DNAH6: variants seen among roughly 807,000 people sequenced by gnomAD.
The protein encoded by DNAH6 is dynein axonemal heavy chain 6.
DNAH6 carries 340 observed loss-of-function variants against 491.4 expected under a neutral mutation model. The observed-to-expected ratio is 0.69, with a 90% CI of 0.63 to 0.76. DNAH6 has a LOEUF of 0.76. Among genes scored for constraint, DNAH6 ranks in the 30% least tolerant of loss-of-function variants. DNAH6 has a pLI of 0.00. For missense variants in DNAH6, 4,443 were observed against 4,972.2 expected, an observed-to-expected ratio of 0.89 and a Z score of 3.20; for synonymous variants, 1,603 against 1,686.1, an observed-to-expected ratio of 0.95 and a Z score of 1.21.
intron 33 of DNAH6, among the ~76,000 whole-genome samples, chr2:84,642,449 G>T (rs1689503635): frequency 6.6e-6 from 1 of 152,034 alleles, no homozygotes; most frequent in African/African-American, 2.4e-5. Context: ...GTTTTAAAAA[G>T]AAAATAGTTT....
chr2:84,729,338 G>A lies in DNAH6; in HGVS notation c.10206+1436G>A, dbSNP rs147841824. On this transcript the variant is annotated intron_variant, in intron 61 of 76. Coordinates refer to ENST00000389394, the MANE Select transcript of DNAH6 (RefSeq NM_001370.2). ...AACACACTTAACAGGACCTGGAACC[G>A]GGATTTGAACACTTGCAGTCTGTAA... Among the ~76,000 whole-genome samples, 120 of 152,268 alleles carry A rather than the reference G, an allele frequency of 7.9e-4. 2 individuals are homozygous for A. Among genetic ancestry groups the A allele is most frequent in the African/African-American group, 2.7e-3 (111 of 41,550 alleles).
intron 10 of DNAH6, 78 bp from the exon 11 acceptor site, chr2:84,557,656 CA>C (rs10660724): frequency 5.2e-3 from 340 of 65,132 alleles, no homozygotes; most frequent in South Asian, 8.6e-3. Flanking sequence ...GACTCCGTCT[CA>C]AAAAAAAAAA....
At chr2:84,586,585 A>G (rs1466485952) in intron 15 of DNAH6, among the ~76,000 whole-genome samples, 2 of 152,224 alleles carry the variant, frequency 1.3e-5, no homozygotes, top group Non-Finnish European at 2.9e-5. Flanking sequence ...AATTGGGATT[A>G]TCTACCATGT....
intron 29 of DNAH6, among the ~76,000 whole-genome samples, chr2:84,629,369 C>T (rs908031421): frequency 6.6e-6 from 1 of 152,186 alleles, no homozygotes; most frequent in African/African-American, 2.4e-5. Flanking sequence ...TATACTCCCC[C>T]TGCAAATGTA....
chr2:84,748,112 T>A (rs1227958813), intron 63 of DNAH6, among the ~76,000 whole-genome samples: 1 of 152,166 alleles, frequency 6.6e-6, no homozygotes, highest in Admixed American at 6.5e-5. Flanking sequence ...TGAAGTCTTT[T>A]TTCCCCCTGC....
chr2:84,602,958 G>A (rs76733940), intron 18 of DNAH6, among the ~76,000 whole-genome samples: 3,456 of 151,102 alleles, frequency 0.023, 120 homozygotes, highest in African/African-American at 0.079. Flanking sequence ...ATTTTTGTTC[G>A]ATTTGTAATT....
intron 15 of DNAH6, among the ~76,000 whole-genome samples, chr2:84,587,783 A>T (rs1445568112): frequency 6.6e-6 from 1 of 152,100 alleles, no homozygotes; most frequent in Non-Finnish European, 1.5e-5. Context: ...CCATAAAGGG[A>T]AGCTTGAATT....
At chr2:84,690,193 G>A (rs763489986) in intron 45 of DNAH6, among the ~76,000 whole-genome samples, 9 of 152,158 alleles carry the variant, frequency 5.9e-5, no homozygotes, top group Non-Finnish European at 8.8e-5. Flanking sequence ...ACATTTTAGC[G>A]TTGGTCCTTG....
chr2:84,692,417 GTAGATAGA>G (rs3029918), intron 45 of DNAH6, among the ~76,000 whole-genome samples: 44,938 of 144,592 alleles, frequency 0.31, 7,023 homozygotes, highest in East Asian at 0.35. Context: ...TATAAATAAG[GTAGATAGA>G]TAGATAGATA....
At chr2:84,701,392 T>C in intron 49 of DNAH6, 53 bp downstream of exon 49, 1 of 1,515,406 alleles carries the variant, frequency 6.6e-7, no homozygotes, top group South Asian at 1.3e-5. Context: ...TCAGAACTTT[T>C]GAGAATGCAT....
intron 37 of DNAH6, among the ~76,000 whole-genome samples, chr2:84,666,879 TGATACTG>T (rs1477604717): frequency 5.9e-5 from 9 of 152,130 alleles, no homozygotes; most frequent in Non-Finnish European, 1.2e-4. Flanking sequence ...CAAAACAGCA[TGATACTG>T]GTACCAAAAC....
chr2:84,717,658 T>G (rs904081899), intron 58 of DNAH6, among the ~76,000 whole-genome samples: 1 of 152,182 alleles, frequency 6.6e-6, no homozygotes, highest in Admixed American at 6.6e-5. Flanking sequence ...AAGATTAACT[T>G]GCAAATGGAG....
In DNAH6 at chr2:84,524,624, A is replaced by G. The variant is rs77878109; in HGVS notation, c.226-941A>G. Reference sequence around the variant, plus strand: ...CTTTCTTCAAGATCTCTTGTAAGGCAGATCTGGTGGTAATGAAATCCCTCA... The same window carrying G: ...CTTTCTTCAAGATCTCTTGTAAGGCGGATCTGGTGGTAATGAAATCCCTCA... On this transcript the variant is annotated intron_variant, in intron 2 of 76. Coordinates refer to ENST00000389394, the MANE Select transcript of DNAH6 (RefSeq NM_001370.2). 2.6e-5 allele frequency among the ~76,000 whole-genome samples: 4 copies of G among 152,200 alleles called. No homozygotes were observed. The East Asian group carries it at 7.7e-4, about 29-fold the overall frequency.
chr2:84,551,379 A>C (rs1679344592), intron 9 of DNAH6, among the ~76,000 whole-genome samples: 1 of 115,524 alleles, frequency 8.7e-6, no homozygotes, highest in Non-Finnish European at 1.8e-5. Context: ...TGCTACCCAA[A>C]GATAATTACT....
At chr2:84,818,483 TCAAAAAAAA>T (rs1282823505) in intron 76 of DNAH6, among the ~76,000 whole-genome samples, 4 of 35,558 alleles carry the variant, frequency 1.1e-4, no homozygotes, top group Non-Finnish European at 1.4e-4. Context: ...AGACCCTATC[TCAAAAAAAA>T]AAAAAAAAAA....
chr2:84,645,542 G>A (rs1256993557), intron 33 of DNAH6, among the ~76,000 whole-genome samples: 1 of 152,000 alleles, frequency 6.6e-6, no homozygotes, highest in African/African-American at 2.4e-5. Context: ...TTTGTTGGCC[G>A]CATGTGGTGT....
At chr2:84,592,749 G>A (rs528346404) in intron 16 of DNAH6, among the ~76,000 whole-genome samples, 2 of 152,280 alleles carry the variant, frequency 1.3e-5, no homozygotes, top group Admixed American at 6.5e-5. Context: ...ATTTTACTCA[G>A]CCTCGCAAAA....
chr2:84,609,889 A>G (rs989680235), intron 21 of DNAH6, among the ~76,000 whole-genome samples: 1 of 152,132 alleles, frequency 6.6e-6, no homozygotes, highest in African/African-American at 2.4e-5. Flanking sequence ...GCACAATAAA[A>G]CAAAGCATGC....
At chr2:84,731,436 T>C (rs957881697) in intron 61 of DNAH6, among the ~76,000 whole-genome samples, 8 of 152,188 alleles carry the variant, frequency 5.3e-5, no homozygotes, top group African/African-American at 1.9e-4. Context: ...GCTCCTAAGA[T>C]AGTAATTCCT....
Sources: allele counts gnomAD v4.1 joint callset (sites outside exome capture counted in the v4.1 genomes callset), GRCh38; gene constraint gnomAD v4.1.1; transcripts MANE v1.5; gene names NCBI Gene and HGNC (gene_info 2026-07-23, HGNC 2026-07-21).